Variants in PTBP3 observed in about 807,000 individuals in gnomAD.
The protein encoded by PTBP3 is polypyrimidine tract-binding protein 3.
In PTBP3, 20 loss-of-function variants were observed where a neutral mutation model predicts 58.7. That is an observed-to-expected ratio of 0.34 (90% CI 0.24 to 0.50). The LOEUF (loss-of-function observed/expected upper bound fraction) is 0.50, where lower values mean the gene tolerates loss of function less well. Among genes scored for constraint, PTBP3 ranks in the 20% least tolerant of loss-of-function variants. The probability of loss-of-function intolerance (pLI) is 0.98; values close to 1 mark genes in which losing one functional copy is unlikely to be tolerated. For missense variants in PTBP3, 509 were observed against 637.2 expected (o/e 0.80, Z 2.17); for synonymous variants, 185 against 219.8 (o/e 0.84, Z 1.40).
At chr9:112,235,567 C>A (rs1279467283) in intron 7 of PTBP3, among the ~76,000 whole-genome samples, 2 of 152,060 alleles carry the variant, frequency 1.3e-5, no homozygotes, top group Non-Finnish European at 2.9e-5. Context: ...TCAGTTTTAG[C>A]AGACAAATGA....
chr9:112,247,581 A>C (rs910366126), intron 7 of PTBP3, among the ~76,000 whole-genome samples: 2 of 151,394 alleles, frequency 1.3e-5, no homozygotes, highest in African/African-American at 4.8e-5. Flanking sequence ...AGCCAGATTT[A>C]GTGTTGTTCA....
intron 2 of PTBP3, among the ~76,000 whole-genome samples, chr9:112,287,865 G>A (rs1589869933): frequency 2.6e-5 from 4 of 152,022 alleles, no homozygotes; most frequent in African/African-American, 4.8e-5. Flanking sequence ...GTGCACAGCT[G>A]ATAATTCCAT....
At position 112,331,461 on chromosome 9, in the gene PTBP3, A is replaced by T. The variant is rs141559937; in HGVS notation, c.-52+2009T>A. On this transcript the variant is annotated intron_variant, in intron 1 of 13. Transcript: ENST00000374257. ...ATTGTTAATAACCTATGTCATCATT[A>T]CCTCATAAAAGTCAACGAATAAATG... Among the ~76,000 whole-genome samples the T allele has an allele frequency of 1.7e-3, 260 of 152,346 alleles. 1 individual carries two copies. The highest frequency in any genetic ancestry group is 6.1e-3 in the African/African-American group (253 of 41,574).
At chr9:112,340,110 A>G in the PTBP3 span, among the ~76,000 whole-genome samples, 4 of 152,126 alleles carry the variant, frequency 2.6e-5, no homozygotes, top group African/African-American at 9.7e-5. Flanking sequence ...AACTGTAGGC[A>G]TGTTCCACCA....
the PTBP3 span, among the ~76,000 whole-genome samples, chr9:112,364,359 TAAAGA>T: frequency 6.1e-3 from 934 of 152,008 alleles, 10 homozygotes; most frequent in African/African-American, 0.022. Flanking sequence ...AGTATTTTGG[TAAAGA>T]AAAGTACCAG....
Position 112,227,858 on chromosome 9 carries a change from T to G in PTBP3, c.1148-231A>C, listed in dbSNP as rs551685425. On this transcript the variant is annotated intron_variant, in intron 11 of 13. Coordinates refer to ENST00000374257, the MANE Select transcript of PTBP3 (RefSeq NM_001163788.4). ...AACAAAAAATATTTTCTGAGCAGAG[T>G]GCTATGAAGTTTCAGAGTGCCTGGA... Among the ~76,000 whole-genome samples the G allele has an allele frequency of 1.1e-4, 16 of 152,184 alleles. No individual in the cohort carries two copies. In the East Asian group the frequency reaches 2.3e-3, roughly 22 times the overall value.
chr9:112,234,952 C>T, intron 7 of PTBP3, 55 bp from the exon 8 acceptor site: 1 of 1,442,478 alleles, frequency 6.9e-7, no homozygotes. Context: ...ATATCGTTAT[C>T]AAAGCAATAT....
intron 7 of PTBP3, among the ~76,000 whole-genome samples, chr9:112,247,716 A>T (rs1236240298): frequency 1.3e-5 from 2 of 152,190 alleles, no homozygotes; most frequent in Non-Finnish European, 2.9e-5. Context: ...CTATCTCAAA[A>T]CAAAAAGTCT....
chr9:112,365,601 G>C, the PTBP3 span, among the ~76,000 whole-genome samples: 1 of 152,240 alleles, frequency 6.6e-6, no homozygotes. Flanking sequence ...GCATGAAAAT[G>C]GACTAATACA....
intron 5 of PTBP3, among the ~76,000 whole-genome samples, chr9:112,260,081 A>G (rs977105889): frequency 2.0e-5 from 3 of 152,006 alleles, no homozygotes; most frequent in Non-Finnish European, 2.9e-5. Flanking sequence ...CTAATTTTTT[A>G]TATTTTTAGA....
Position 112,290,968 on chromosome 9 carries a change from T to A in PTBP3, c.34+6864A>T, listed in dbSNP as rs188626277. ...CGGGCACAGTGGCTCACACCTATAATCCCAGCACCTTGGGAGGCCAAGGTG... is the reference window on the plus strand; with the variant it reads ...CGGGCACAGTGGCTCACACCTATAAACCCAGCACCTTGGGAGGCCAAGGTG... On this transcript the variant is annotated intron_variant, in intron 2 of 13. Transcript: ENST00000374257. Among the ~76,000 whole-genome samples, 1,176 of 151,954 alleles carry A rather than the reference T, an allele frequency of 7.7e-3. 26 individuals carry two copies. Among genetic ancestry groups the A allele is most frequent in the Admixed American group, 0.041 (627 of 15,246 alleles).
chr9:112,291,344 T>C (rs1010050174), intron 2 of PTBP3, among the ~76,000 whole-genome samples: 2 of 150,240 alleles, frequency 1.3e-5, no homozygotes, highest in African/African-American at 2.5e-5. Context: ...AAAATCCCAA[T>C]GGCATTTTTG....
intron 1 of PTBP3, among the ~76,000 whole-genome samples, chr9:112,298,770 A>C (rs1163317984): frequency 2.6e-5 from 4 of 152,220 alleles, no homozygotes; most frequent in Non-Finnish European, 5.9e-5. Flanking sequence ...TCTGTAGGGA[A>C]CAACTTTAGC....
At chr9:112,324,055 A>C (rs1418558664) in intron 1 of PTBP3, among the ~76,000 whole-genome samples, 1 of 152,142 alleles carries the variant, frequency 6.6e-6, no homozygotes, top group Non-Finnish European at 1.5e-5. Context: ...AGGGACAAGA[A>C]TTACAGAGGT....
At position 112,220,407 on chromosome 9, in the gene PTBP3, T is replaced by C. The variant is rs1375745094; in HGVS notation, c.*3444A>G. The C allele has an allele frequency of 9.2e-6, 11 of 1,202,014 alleles. No individual in the cohort carries two copies. In the South Asian group the frequency reaches 1.1e-4, roughly 12 times the overall value. The allele number at this position is 1,202,014 out of a possible 1,614,324, so 74.5% of individuals were successfully genotyped here. A position where few individuals can be genotyped will look rare whatever the true frequency, so the allele number is the denominator to read the frequency against. On this transcript the variant is annotated 3_prime_UTR_variant, in exon 14 of 14. Transcript: ENST00000374257. ...AAAATAAAGTAAAATAAAAAGAAAT[T>C]GAGCAGAGGCATTCATAGGAGCCAC... is the stretch of plus-strand genomic sequence containing the variant.
intron 1 of PTBP3, among the ~76,000 whole-genome samples, chr9:112,312,105 G>T (rs1255206682): frequency 2.0e-5 from 3 of 152,036 alleles, no homozygotes; most frequent in Non-Finnish European, 2.9e-5. Flanking sequence ...AAATATTTAG[G>T]GGTTAAAGAA....
At chr9:112,346,209 C>G in the PTBP3 span, among the ~76,000 whole-genome samples, 8 of 152,074 alleles carry the variant, frequency 5.3e-5, no homozygotes, top group African/African-American at 1.9e-4. Context: ...GCTCTGTGGC[C>G]CAGGCCGGAG....
chr9:112,366,702 T>C, the PTBP3 span, among the ~76,000 whole-genome samples: 2 of 151,946 alleles, frequency 1.3e-5, no homozygotes, highest in African/African-American at 4.8e-5. Context: ...GCTGCTAGGG[T>C]AGTGCAGAAG....
intron 2 of PTBP3, among the ~76,000 whole-genome samples, chr9:112,285,094 T>C (rs1828052681): frequency 6.6e-6 from 1 of 152,202 alleles, no homozygotes; most frequent in African/African-American, 2.4e-5. Flanking sequence ...CCAAATCTCA[T>C]CTGGAATTGT....
Sources: allele counts gnomAD v4.1 joint callset (sites outside exome capture counted in the v4.1 genomes callset), GRCh38; gene constraint gnomAD v4.1.1; transcripts MANE v1.5; gene names NCBI Gene and HGNC (gene_info 2026-07-23, HGNC 2026-07-21).